BTRC: variants seen among roughly 807,000 people sequenced by gnomAD.
The protein encoded by BTRC is beta-transducin repeat containing E3 ubiquitin protein ligase, also known as F-box/WD repeat-containing protein 1A.
In BTRC, 42 loss-of-function variants were observed where a neutral mutation model predicts 85.5. That is an observed-to-expected ratio of 0.49 (90% CI 0.38 to 0.64). The LOEUF is 0.64. Among genes scored for constraint, BTRC ranks in the 30% least tolerant of loss-of-function variants. The probability of loss-of-function intolerance (pLI) is 0.00; values close to 1 mark genes in which losing one functional copy is unlikely to be tolerated. For synonymous variants in BTRC, 255 were observed against 263.3 expected (o/e 0.97, Z 0.30); for missense variants, 594 against 743.5 (o/e 0.80, Z 2.34).
intron 1 of BTRC, among the ~76,000 whole-genome samples, chr10:101,379,134 T>C (rs1004726632): frequency 2.0e-5 from 3 of 152,224 alleles, no homozygotes; most frequent in African/African-American, 7.2e-5. Flanking sequence ...TGTAATCATA[T>C]CCAGACATGG....
intron 1 of BTRC, among the ~76,000 whole-genome samples, chr10:101,359,438 G>A (rs570988016): frequency 5.3e-5 from 8 of 150,958 alleles, no homozygotes; most frequent in African/African-American, 1.2e-4. Context: ...CTTTTTTTTT[G>A]TCTGAGATAC....
chr10:101,486,140 G>A (rs532462067), intron 4 of BTRC, among the ~76,000 whole-genome samples: 47 of 152,284 alleles, frequency 3.1e-4, no homozygotes, highest in African/African-American at 1.1e-3. Flanking sequence ...TACTGCTAAC[G>A]CTCAGAGATC....
chr10:101,427,376 A>C (rs970412546), intron 1 of BTRC, among the ~76,000 whole-genome samples: 7 of 151,604 alleles, frequency 4.6e-5, no homozygotes, highest in African/African-American at 1.7e-4. Flanking sequence ...TTGGCCTCCC[A>C]AAGTGCTGGG....
At chr10:101,423,763 T>C (rs1944171968) in intron 1 of BTRC, among the ~76,000 whole-genome samples, 1 of 152,214 alleles carries the variant, frequency 6.6e-6, no homozygotes, top group East Asian at 1.9e-4. Flanking sequence ...GCAGACAGTT[T>C]ATTCCCGGTA....
At chr10:101,438,211 A>T (rs1944581603) in intron 2 of BTRC, among the ~76,000 whole-genome samples, 1 of 151,952 alleles carries the variant, frequency 6.6e-6, no homozygotes, top group Admixed American at 6.6e-5. Flanking sequence ...CAGATCACAA[A>T]GTCAGGAGAT....
chr10:101,462,175 C>T (rs1480860926), intron 3 of BTRC, 117 bp downstream of exon 3: 2 of 757,238 alleles, frequency 2.6e-6, no homozygotes, highest in East Asian at 2.8e-5. Context: ...AGTACTCGGA[C>T]GTTGGCCTGG....
chr10:101,523,543 GGTT>G (rs1339978056), intron 5 of BTRC, among the ~76,000 whole-genome samples: 1 of 152,038 alleles, frequency 6.6e-6, no homozygotes, highest in Non-Finnish European at 1.5e-5. Flanking sequence ...GAGGGGTTTT[GGTT>G]GTTGTTTTCC....
At chr10:101,479,805 C>T (rs1223928247) in intron 4 of BTRC, among the ~76,000 whole-genome samples, 3 of 152,188 alleles carry the variant, frequency 2.0e-5, no homozygotes, top group East Asian at 1.9e-4. Context: ...GAGTACATCA[C>T]ATCATTGCAA....
At chr10:101,504,394 C>T (rs1946465310) in intron 4 of BTRC, among the ~76,000 whole-genome samples, 1 of 152,010 alleles carries the variant, frequency 6.6e-6, no homozygotes, top group Admixed American at 6.6e-5. Flanking sequence ...TATATTCATT[C>T]TCCCCCTTCC....
At chr10:101,508,562 C>T (rs1946600937) in intron 4 of BTRC, among the ~76,000 whole-genome samples, 1 of 151,990 alleles carries the variant, frequency 6.6e-6, no homozygotes, top group Non-Finnish European at 1.5e-5. Context: ...CCACTTCCCA[C>T]CCTACTCCAA....
chr10:101,460,946 A>G (rs1377229382), intron 2 of BTRC, among the ~76,000 whole-genome samples: 5 of 152,170 alleles, frequency 3.3e-5, no homozygotes, highest in Non-Finnish European at 7.3e-5. Flanking sequence ...TCTGTCACTC[A>G]GGCTGGAGTG....
Position 101,517,761 on chromosome 10 carries a change from T to C in BTRC, c.325-3878T>C, listed in dbSNP as rs187923917. On this transcript the variant is annotated intron_variant, in intron 4 of 14. Transcript: ENST00000370187. The stretch of plus-strand genomic sequence containing the variant: ...CTTGGGTGTGATTTTGTCTCCTTTT[T>C]TCTCATACTCATATCCAGTCGATCA... Among the ~76,000 whole-genome samples the C allele has an allele frequency of 5.3e-5, 8 of 152,318 alleles. No homozygotes were observed. The East Asian group carries it at 1.4e-3, about 26-fold the overall frequency.
chr10:101,391,369 CA>C (rs1943232405), intron 1 of BTRC, among the ~76,000 whole-genome samples: 2 of 152,110 alleles, frequency 1.3e-5, no homozygotes, highest in African/African-American at 2.4e-5. Context: ...AATTTACCAG[CA>C]AATGGAGTTT....
rs557919243 is a variant in BTRC at position 101,432,809 on chromosome 10, C to T, written c.156+2357C>T. Among the ~76,000 whole-genome samples, 4 of 152,286 alleles carry T rather than the reference C, an allele frequency of 2.6e-5. No homozygotes were observed. In the South Asian group the frequency reaches 8.3e-4, roughly 32 times the overall value. On this transcript the variant is annotated intron_variant, in intron 2 of 14. Coordinates refer to ENST00000370187, the MANE Select transcript of BTRC (RefSeq NM_033637.4). Reference sequence around the variant, plus strand: ...TGTAGAACTTCCTGTCATCCTCTCCCCATGGAGTCATGGATGGCATTACTG... The same window carrying T: ...TGTAGAACTTCCTGTCATCCTCTCCTCATGGAGTCATGGATGGCATTACTG...
chr10:101,461,888 T>C (rs1945235149), intron 2 of BTRC, 93 bp from the exon 3 acceptor site: 2 of 912,506 alleles, frequency 2.2e-6, no homozygotes, highest in East Asian at 2.5e-5. Flanking sequence ...ATGTATGTTC[T>C]AACTTACAGA....
At chr10:101,355,206 C>G (rs945275944) in intron 1 of BTRC, among the ~76,000 whole-genome samples, 1 of 151,884 alleles carries the variant, frequency 6.6e-6, no homozygotes, top group Non-Finnish European at 1.5e-5. Flanking sequence ...TTGCAAAGAC[C>G]CATAAGAAGT....
At chr10:101,495,887 C>T (rs541697721) in intron 4 of BTRC, among the ~76,000 whole-genome samples, 14 of 148,534 alleles carry the variant, frequency 9.4e-5, no homozygotes, top group South Asian at 2.1e-4. Context: ...AGACCATTAC[C>T]GGAGCCCACT....
intron 1 of BTRC, among the ~76,000 whole-genome samples, chr10:101,376,229 G>A (rs1164052809): frequency 6.6e-6 from 1 of 152,180 alleles, no homozygotes; most frequent in Non-Finnish European, 1.5e-5. Flanking sequence ...GGTGGCTGAG[G>A]CCAGAGAATC....
intron 1 of BTRC, among the ~76,000 whole-genome samples, chr10:101,357,485 A>C (rs1590193373): frequency 6.6e-6 from 1 of 151,780 alleles, no homozygotes; most frequent in East Asian, 1.9e-4. Context: ...GCTAGCATCA[A>C]ATAATTAGTG....
Sources: gnomAD v4.1 joint callset for allele counts (sites outside exome capture counted in the v4.1 genomes callset) on GRCh38, gnomAD v4.1.1 for gene constraint, MANE v1.5 for transcripts, NCBI Gene and HGNC (gene_info 2026-07-23, HGNC 2026-07-21) for gene names.